Variants in SORCS2 observed in about 807,000 individuals in gnomAD.
SORCS2 encodes sortilin related VPS10 domain containing receptor 2.
A neutral mutation model predicts 141.6 loss-of-function variants in SORCS2; 100 were observed. That is an observed-to-expected ratio of 0.71 (90% confidence interval 0.60 to 0.83). The LOEUF is 0.83. Among genes scored for constraint, SORCS2 ranks in the 40% least tolerant of loss-of-function variants. SORCS2 has a pLI of 0.00. For synonymous variants in SORCS2, 789 were observed against 676.9 expected (o/e 1.17, Z -2.57); for missense variants, 1,646 against 1,560.2 (o/e 1.05, Z -0.93).
At chr4:7,386,672 T>C (rs1723361014) in intron 1 of SORCS2, among the ~76,000 whole-genome samples, 1 of 141,044 alleles carries the variant, frequency 7.1e-6, no homozygotes, top group African/African-American at 2.7e-5. Context: ...CACACACACA[T>C]AGGTACATGC....
chr4:7,678,764 A>G (rs1056542567), intron 9 of SORCS2, among the ~76,000 whole-genome samples: 2 of 148,422 alleles, frequency 1.3e-5, no homozygotes, highest in Non-Finnish European at 3.0e-5. Flanking sequence ...ACCATCAAAC[A>G]TGGGTCACAG....
intron 1 of SORCS2, among the ~76,000 whole-genome samples, chr4:7,373,101 G>A (rs951086574): frequency 1.5e-4 from 23 of 149,372 alleles, no homozygotes; most frequent in Admixed American, 3.4e-4. Flanking sequence ...TCTTAAATAC[G>A]TAGCCGTGAC....
At chr4:7,313,958 G>T (rs1405131585) in intron 1 of SORCS2, among the ~76,000 whole-genome samples, 2 of 152,230 alleles carry the variant, frequency 1.3e-5, no homozygotes, top group African/African-American at 2.4e-5. Context: ...AGCCCACCAT[G>T]CCACAGGTGC....
chr4:7,730,509 G>T (rs922066951), intron 23 of SORCS2, among the ~76,000 whole-genome samples: 11 of 152,220 alleles, frequency 7.2e-5, no homozygotes, highest in African/African-American at 2.7e-4. Flanking sequence ...GGCTGCTGAA[G>T]AAACAAATTG....
intron 1 of SORCS2, among the ~76,000 whole-genome samples, chr4:7,387,994 GCACACA>G (rs765605546): frequency 7.2e-5 from 5 of 69,788 alleles, no homozygotes; most frequent in East Asian, 7.8e-4. Flanking sequence ...ATGCACACAT[GCACACA>G]CATGCACATG....
At chr4:7,677,619 T>G (rs1374726035) in intron 9 of SORCS2, among the ~76,000 whole-genome samples, 1 of 152,206 alleles carries the variant, frequency 6.6e-6, no homozygotes, top group Admixed American at 6.5e-5. Context: ...CAGTAGACCC[T>G]GGGCAGGCAG....
intron 1 of SORCS2, among the ~76,000 whole-genome samples, chr4:7,334,075 C>T (rs937546030): frequency 4.6e-5 from 7 of 152,174 alleles, no homozygotes. Context: ...GACAACCAAG[C>T]TCCTCCCCAC....
intron 1 of SORCS2, among the ~76,000 whole-genome samples, chr4:7,306,780 T>G (rs1453514010): frequency 1.3e-5 from 2 of 152,116 alleles, no homozygotes; most frequent in Non-Finnish European, 2.9e-5. Context: ...GGCTGGAGTG[T>G]GGCCCCGTCC....
At chr4:7,711,421 G>A (rs946189354) in intron 14 of SORCS2, among the ~76,000 whole-genome samples, 1 of 152,222 alleles carries the variant, frequency 6.6e-6, no homozygotes, top group Non-Finnish European at 1.5e-5. Context: ...AGTTGGGGGT[G>A]CTCAGACAGG....
intron 9 of SORCS2, among the ~76,000 whole-genome samples, chr4:7,679,591 G>T (rs28399822): frequency 0.029 from 4,466 of 152,300 alleles, 240 homozygotes; most frequent in African/African-American, 0.1. Context: ...GACCGCGGCC[G>T]CACGCCAGGG....
chr4:7,626,992 G>C (rs1301568013), intron 3 of SORCS2, among the ~76,000 whole-genome samples: 2 of 151,970 alleles, frequency 1.3e-5, no homozygotes, highest in Non-Finnish European at 2.9e-5. Context: ...ATTTTATTTT[G>C]TTTTATTTTT....
chr4:7,398,079 C>A (rs193166483), intron 2 of SORCS2, among the ~76,000 whole-genome samples: 3 of 152,112 alleles, frequency 2.0e-5, no homozygotes, highest in Non-Finnish European at 2.9e-5. Flanking sequence ...GAACAGGGAA[C>A]GATCTTTTCT....
At chr4:7,216,872 G>A (rs1184004540) in intron 1 of SORCS2, among the ~76,000 whole-genome samples, 1 of 152,198 alleles carries the variant, frequency 6.6e-6, no homozygotes, top group Non-Finnish European at 1.5e-5. Context: ...AGCCAGTTGA[G>A]ATGGTGGTTT....
chr4:7,690,124 G>A (rs1221809804), intron 11 of SORCS2, among the ~76,000 whole-genome samples: 2 of 151,570 alleles, frequency 1.3e-5, no homozygotes, highest in Non-Finnish European at 2.9e-5. Context: ...ATGGATGATG[G>A]TGGATGGGTG....
In SORCS2 at chr4:7,499,542, C is replaced by A. The variant is rs184333424; in HGVS notation, c.549-31988C>A. 2.0e-5 allele frequency among the ~76,000 whole-genome samples: 3 copies of A among 152,134 alleles called. No homozygotes were observed. In the East Asian group the frequency reaches 5.8e-4, roughly 29 times the overall value. On this transcript the variant is annotated intron_variant, in intron 2 of 26. Coordinates refer to ENST00000507866, the MANE Select transcript of SORCS2 (RefSeq NM_020777.3). ...AAAAGGATAGTTTTGAGAGGAGGAT[C>A]GCAGGTGGTACCTGGAACTCGACAC...
chr4:7,481,714 C>T (rs796620005), intron 2 of SORCS2, among the ~76,000 whole-genome samples: 3 of 152,070 alleles, frequency 2.0e-5, no homozygotes, highest in South Asian at 2.1e-4. Flanking sequence ...GAGGGCACTA[C>T]TGAGAAACTG....
At chr4:7,578,824 C>G (rs544345925) in intron 3 of SORCS2, among the ~76,000 whole-genome samples, 123 of 152,266 alleles carry the variant, frequency 8.1e-4, no homozygotes, top group African/African-American at 2.9e-3. Context: ...TTTTGGAATT[C>G]TACTCAATTT....
chr4:7,409,935 G>T (rs947839273), intron 2 of SORCS2, among the ~76,000 whole-genome samples: 1 of 152,204 alleles, frequency 6.6e-6, no homozygotes, highest in Admixed American at 6.5e-5. Context: ...GTCTTTTAAT[G>T]TATAGAATTT....
chr4:7,632,823 C>T (rs1376706965), intron 3 of SORCS2, among the ~76,000 whole-genome samples: 1 of 152,080 alleles, frequency 6.6e-6, no homozygotes, highest in Non-Finnish European at 1.5e-5. Context: ...CAAGAGGACC[C>T]TAGGGCCACC....
Sources: gnomAD v4.1 joint callset for allele counts (sites outside exome capture counted in the v4.1 genomes callset) on GRCh38, gnomAD v4.1.1 for gene constraint, MANE v1.5 for transcripts, NCBI Gene and HGNC (gene_info 2026-07-23, HGNC 2026-07-21) for gene names.